Variants in ESCO1 observed in about 807,000 individuals in gnomAD.
ESCO1 encodes establishment of sister chromatid cohesion N-acetyltransferase 1.
ESCO1 carries 33 observed loss-of-function variants against 83.5 expected under a neutral mutation model. The ratio of observed to expected loss-of-function variants is 0.40; its 90% CI spans 0.30 to 0.53. The LOEUF (loss-of-function observed/expected upper bound fraction) is 0.53. Among genes scored for constraint, ESCO1 ranks in the 20% least tolerant of loss-of-function variants. The pLI is 0.63. For synonymous variants in ESCO1, 332 were observed against 324.3 expected, an observed-to-expected ratio of 1.02 and a Z score of -0.25; for missense variants, 855 against 968.0, an observed-to-expected ratio of 0.88 and a Z score of 1.55.
chr18:21,568,050 C>A lies in ESCO1; in HGVS notation c.1575G>T (p.Val525=). ...GAGTCGAAGCAGCAGTAACATTTTC[C>A]ACTGGACTGTTTTCTAGCTTGGATT... The part of the protein sequence containing the change: ...CLESKLENSP[V]ENVTAASTLL... Residue 525 remains valine (V), a synonymous_variant, in exon 5 of 12, where the codon GTG becomes GTT. Transcript: ENST00000269214. 1.2e-6 allele frequency: 2 copies of A among 1,613,806 alleles called. No homozygotes were observed. Among genetic ancestry groups the A allele is most frequent in the Non-Finnish European group, 1.7e-6 (2 of 1,179,904 alleles).
At chr18:21,548,666 A>G (rs2038005850) in intron 8 of ESCO1, among the ~76,000 whole-genome samples, 1 of 151,330 alleles carries the variant, frequency 6.6e-6, no homozygotes, top group South Asian at 2.1e-4. Flanking sequence ...TTGGCCAGGC[A>G]TGGTAGCTCA....
intron 11 of ESCO1, among the ~76,000 whole-genome samples, chr18:21,531,119 A>G (rs2037761671): frequency 6.6e-6 from 1 of 152,194 alleles, no homozygotes; most frequent in African/African-American, 2.4e-5. Context: ...TTTAGGGGGA[A>G]AAAAGTCCAT....
At chr18:21,576,122 C>T (rs1429234818) in intron 2 of ESCO1, among the ~76,000 whole-genome samples, 1 of 151,948 alleles carries the variant, frequency 6.6e-6, no homozygotes, top group Non-Finnish European at 1.5e-5. Context: ...TAGAAAAAGA[C>T]TGAAATACAG....
At chr18:21,576,108 T>C (rs1036806476) in intron 2 of ESCO1, among the ~76,000 whole-genome samples, 1 of 152,002 alleles carries the variant, frequency 6.6e-6, no homozygotes. Flanking sequence ...GATAACTATA[T>C]ACATAGAAAA....
chr18:21,594,968 TC>T lies in ESCO1; in HGVS notation c.-825+5654del, dbSNP rs1242085296. Among the ~76,000 whole-genome samples the T allele has an allele frequency of 3.3e-5, 5 of 149,280 alleles. No individual in the cohort carries two copies. The East Asian group carries it at 9.8e-4, about 29-fold the overall frequency. ...GTGTGTGTGTGTGTGTGTGTGTGTATCTTTTTTATATATGAAAAACTACAGG... is the reference window on the plus strand; with the variant it reads ...GTGTGTGTGTGTGTGTGTGTGTGTATTTTTTTATATATGAAAAACTACAGG... On this transcript the variant is annotated intron_variant, in intron 1 of 11. Transcript: ENST00000269214.
chr18:21,570,062 T>C (rs2038318990), intron 4 of ESCO1, among the ~76,000 whole-genome samples: 1 of 152,104 alleles, frequency 6.6e-6, no homozygotes, highest in Non-Finnish European at 1.5e-5. Context: ...AATGTTGAGA[T>C]TAGTGAAAAA....
At chr18:21,533,566 T>A (rs2037795298) in intron 10 of ESCO1, among the ~76,000 whole-genome samples, 1 of 152,156 alleles carries the variant, frequency 6.6e-6, no homozygotes, top group African/African-American at 2.4e-5. Context: ...TGACTAGCCT[T>A]CTGATGGGAC....
At chr18:21,554,456 G>C (rs149526385) in intron 8 of ESCO1, among the ~76,000 whole-genome samples, 1 of 152,092 alleles carries the variant, frequency 6.6e-6, no homozygotes, top group Non-Finnish European at 1.5e-5. Flanking sequence ...AAAAAGAAAC[G>C]GGCTTTCAAA....
intron 1 of ESCO1, among the ~76,000 whole-genome samples, chr18:21,596,393 T>TA (rs2038767524): frequency 6.6e-6 from 1 of 152,224 alleles, no homozygotes; most frequent in African/African-American, 2.4e-5. Flanking sequence ...TCTGAGTTTT[T>TA]ATCTGTGAGA....
At chr18:21,567,781 A>AC (rs1303064187) in intron 5 of ESCO1, among the ~76,000 whole-genome samples, 199 bp downstream of exon 5, 1 of 152,230 alleles carries the variant, frequency 6.6e-6, no homozygotes, top group Non-Finnish European at 1.5e-5. Context: ...AAAGGGTAGT[A>AC]CTTAGGTACT....
At chr18:21,577,209 T>G (rs1479741414) in intron 2 of ESCO1, among the ~76,000 whole-genome samples, 2 of 149,504 alleles carry the variant, frequency 1.3e-5, no homozygotes, top group African/African-American at 5.0e-5. Context: ...ACAAAAAAAT[T>G]AGCTGGGCAT....
At chr18:21,567,836 T>C (rs1254025393) in intron 5 of ESCO1, 144 bp downstream of exon 5, 5 of 592,398 alleles carry the variant, frequency 8.4e-6, no homozygotes, top group Admixed American at 3.3e-5. Flanking sequence ...GCATGGGTGA[T>C]AGTCATGATA....
At chr18:21,589,680 G>C (rs930350825) in intron 1 of ESCO1, among the ~76,000 whole-genome samples, 1 of 152,014 alleles carries the variant, frequency 6.6e-6, no homozygotes, top group Non-Finnish European at 1.5e-5. Flanking sequence ...TTCTCTTCTG[G>C]GACAACAGAG....
chr18:21,564,263 T>C lies in ESCO1; in HGVS notation c.1761A>G (p.Thr587=). Residue 587 remains threonine, a synonymous_variant, in exon 7 of 12, where the codon ACA becomes ACG. Transcript: ENST00000269214. ...CTTTTAGTTTCAAGTCCTTTGGAAT[T>C]GTTATCTCCAAATGGGAATTACACT... is the stretch of plus-strand genomic sequence containing the variant. ...LPKCNSHLEI[T]IPKDLKLKEA... is the part of the protein sequence containing the mutation. 1 of 1,612,526 alleles carries C rather than the reference T, an allele frequency of 6.2e-7. No homozygotes were observed. The highest frequency in any genetic ancestry group is 8.5e-7 in the Non-Finnish European group (1 of 1,179,358).
At chr18:21,598,207 A>G (rs1057441455) in intron 1 of ESCO1, among the ~76,000 whole-genome samples, 1 of 152,216 alleles carries the variant, frequency 6.6e-6, no homozygotes, top group African/African-American at 2.4e-5. Context: ...AAAAAAATCC[A>G]TTATTCGAAC....
chr18:21,574,238 T>C lies in ESCO1; in HGVS notation c.606A>G (p.Lys202=), dbSNP rs1488326656. The change falls in exon 4 of 12, where the codon AAA becomes AAG. Residue 202 remains lysine (K), a synonymous_variant. Transcript: ENST00000269214. Reference sequence around the variant, plus strand: ...GATGTTCTACCTTGCGTTTTTTCCCTTTGGGAGAATTTATTACTTCATTAA... The same window carrying C: ...GATGTTCTACCTTGCGTTTTTTCCCCTTGGGAGAATTTATTACTTCATTAA... The part of the protein sequence containing the change: ...LVINEVINSP[K]GKKRKVEHQT... The C allele has an allele frequency of 1.2e-6, 2 of 1,613,690 alleles. No individual in the cohort carries two copies. The highest frequency in any genetic ancestry group is 2.7e-5 in the African/African-American group (2 of 74,920).
In ESCO1 at chr18:21,540,013, GATATAT is replaced by G. The variant is rs35031202; in HGVS notation, c.1954-10_1954-5del. 423 of 1,246,346 alleles carry G rather than the reference GATATAT, an allele frequency of 3.4e-4. No homozygotes were observed. The highest frequency in any genetic ancestry group is 3.8e-4 in the Non-Finnish European group (339 of 891,318). 77.2% of individuals were successfully genotyped at this position (1,246,346 alleles called of 1,614,324 possible). A position where few individuals can be genotyped will look rare whatever the true frequency, so the allele number is the denominator to read the frequency against. On this transcript the variant is annotated splice_polypyrimidine_tract_variant and splice_region_variant and intron_variant, in intron 8 of 11. Transcript: ENST00000269214. ...GAATTCTTTCTTTCTTCCAGCCCTA[GATATAT>G]ATATATATATATACACACATATGTA...
At chr18:21,550,018 A>G (rs2146186667) in intron 8 of ESCO1, among the ~76,000 whole-genome samples, 1 of 152,258 alleles carries the variant, frequency 6.6e-6, no homozygotes, top group East Asian at 1.9e-4. Context: ...TAGTAAGAAA[A>G]CACCCAATAA....
chr18:21,546,412 AC>A (rs2037974437), intron 8 of ESCO1, among the ~76,000 whole-genome samples: 1 of 151,896 alleles, frequency 6.6e-6, no homozygotes, highest in African/African-American at 2.4e-5. Context: ...AAACAAAAAA[AC>A]AACAGAAAAC....
Sources: gnomAD v4.1 joint callset for allele counts (sites outside exome capture counted in the v4.1 genomes callset) on GRCh38, gnomAD v4.1.1 for gene constraint, MANE v1.5 for transcripts, NCBI Gene and HGNC (gene_info 2026-07-23, HGNC 2026-07-21) for gene names.